The following SMG1 variants were observed in gnomAD, a reference collection of about 807,000 sequenced individuals.
The protein encoded by SMG1 is serine/threonine-protein kinase SMG1.
In SMG1, 22 loss-of-function variants were observed where a neutral mutation model predicts 419.9. That is an observed-to-expected ratio of 0.05 (90% CI 0.04 to 0.07). The LOEUF (loss-of-function observed/expected upper bound fraction) is 0.07. Ranked by LOEUF, SMG1 falls within the 10% of genes least tolerant of loss-of-function variation. The pLI is 1.00. For synonymous variants in SMG1, 1,538 were observed against 1,553.5 expected (o/e 0.99, Z 0.23); for missense variants, 3,185 against 4,342.0 (o/e 0.73, Z 7.49).
chr16:18,868,820 G>C (rs2035656481), intron 20 of SMG1, 101 bp from the exon 21 acceptor site: 1 of 613,316 alleles, frequency 1.6e-6, no homozygotes, highest in South Asian at 2.1e-5. Flanking sequence ...AGTATCCTCT[G>C]TCTACCCATC....
Position 18,858,216 on chromosome 16 carries a change from T to C in SMG1, c.4188A>G (p.Ala1396=). Residue 1396 remains alanine (A), a synonymous_variant, in exon 29 of 63, where the codon GCA becomes GCG. Transcript: ENST00000446231. The part of the protein sequence containing the change: ...KQHDVRPWMQ[A]LRYTMYQNQL... The stretch of plus-strand genomic sequence containing the variant: ...GATTCTGGTACATAGTATACCTTAA[T>C]GCCTGCATCCATGGCCTCACGTCAT... 1 of 1,603,810 alleles carries C rather than the reference T, an allele frequency of 6.2e-7. No individual in the cohort carries two copies. Among genetic ancestry groups the C allele is most frequent in the South Asian group, 1.1e-5 (1 of 89,240 alleles).
rs779583087 is a variant in SMG1 at position 18,896,874 on chromosome 16, G to C, written c.175C>G (p.Gln59Glu). Residue 59 changes from glutamine (Q) to glutamate (E), a missense_variant, in exon 2 of 63, where the codon CAA becomes GAA. This residue lies in a region of SMG1 where 88 missense variants were observed against 85.9 expected (regional missense o/e 1.02). Transcript: ENST00000446231. ...DRGGSSSYGLQPSNSAVVSRQ... is the reference protein window; with the variant it reads ...DRGGSSSYGLEPSNSAVVSRQ... ...GACACCACAGCTGAATTTGAAGGTT[G>C]CAGTCCATAAGAGGAAGAACCACCT... is the stretch of plus-strand genomic sequence containing the variant. 1 of 1,608,564 alleles carries C rather than the reference G, an allele frequency of 6.2e-7. No individual in the cohort carries two copies.
intron 51 of SMG1, among the ~76,000 whole-genome samples, chr16:18,831,746 C>A (rs1317909151): frequency 1.1e-5 from 1 of 93,072 alleles, no homozygotes; most frequent in Non-Finnish European, 2.1e-5. Flanking sequence ...CACAGCAAGA[C>A]TCCATCTCAA....
At chr16:18,918,687 T>G (rs1464017857) in intron 1 of SMG1, among the ~76,000 whole-genome samples, 1 of 135,552 alleles carries the variant, frequency 7.4e-6, no homozygotes, top group Non-Finnish European at 1.7e-5. Flanking sequence ...TAGCTGGGAT[T>G]ACAGGCACCC....
At position 18,849,536 on chromosome 16, in the gene SMG1, C is replaced by G. The variant is rs1239966873; in HGVS notation, c.5462-158G>C. ...CCCTGTGATAATAAAGAACCATACA[C>G]AATAGTTCTTGATTCGCAAGTCTGG... On this transcript the variant is annotated intron_variant, in intron 35 of 62. Coordinates refer to ENST00000446231, the MANE Select transcript of SMG1 (RefSeq NM_015092.5). Among the ~76,000 whole-genome samples, 5 of 152,274 alleles carry G rather than the reference C, an allele frequency of 3.3e-5. No individual in the cohort carries two copies. The South Asian group carries it at 1.0e-3, about 32-fold the overall frequency.
At chr16:18,844,606 A>G (rs2034150732) in intron 39 of SMG1, among the ~76,000 whole-genome samples, 1 of 137,962 alleles carries the variant, frequency 7.2e-6, no homozygotes, top group Admixed American at 7.3e-5. Flanking sequence ...TTTGGCAAGA[A>G]CACATAATAA....
chr16:18,856,773 G>A (rs1468759084), intron 29 of SMG1: 1 of 151,504 alleles, frequency 6.6e-6, no homozygotes, highest in Non-Finnish European at 1.5e-5. Context: ...GTAGAGCTCA[G>A]TACCTAGTAC....
intron 60 of SMG1, among the ~76,000 whole-genome samples, chr16:18,814,310 G>A (rs1288576328): frequency 6.6e-6 from 1 of 151,042 alleles, no homozygotes; most frequent in African/African-American, 2.4e-5. Context: ...TTTGTATTAA[G>A]TATTTTCCTA....
rs2035756239 is a variant in SMG1 at position 18,870,467 on chromosome 16, A to G, written c.2492+143T>C. On this transcript the variant is annotated intron_variant, in intron 18 of 62. Transcript: ENST00000446231. The stretch of plus-strand genomic sequence containing the variant: ...CAGACCTGCAAAATTCGATTATTTG[A>G]CATCACTTCAATCACTGACAAACAG... 33 of 636,972 alleles carry G rather than the reference A, an allele frequency of 5.2e-5. 1 individual carries two copies. The South Asian group carries it at 7.2e-4, about 14-fold the overall frequency. The allele number at this position is 636,972 out of a possible 1,614,324, so 39.5% of individuals were successfully genotyped here.
At chr16:18,835,293 G>T in intron 48 of SMG1, 129 bp from the exon 49 acceptor site, 2 of 1,028,018 alleles carry the variant, frequency 1.9e-6, no homozygotes, top group South Asian at 1.7e-5. Flanking sequence ...AGATAAAAAT[G>T]TCTCAAGAGC....
At chr16:18,862,218 A>C (rs528063170) in intron 25 of SMG1, among the ~76,000 whole-genome samples, 48 of 152,110 alleles carry the variant, frequency 3.2e-4, no homozygotes, top group Non-Finnish European at 4.6e-4. Flanking sequence ...GACTACTCCC[A>C]TCTGGATGTC....
intron 11 of SMG1, 49 bp from the exon 12 acceptor site, chr16:18,877,281 A>T: frequency 7.4e-7 from 1 of 1,359,496 alleles, no homozygotes; most frequent in East Asian, 2.5e-5. Flanking sequence ...TTACAAAAAG[A>T]CATGGAGAAA....
intron 59 of SMG1, 76 bp downstream of exon 59, chr16:18,815,364 A>T (rs2031908968): frequency 1.3e-6 from 2 of 1,570,442 alleles, no homozygotes; most frequent in African/African-American, 2.7e-5. Flanking sequence ...CTGAAAAATT[A>T]AATCAAGAGA....
rs551622566 is a variant in SMG1 at position 18,808,013 on chromosome 16, G to T, written c.*1556C>A. 1 of 152,148 alleles carries T rather than the reference G, an allele frequency of 6.6e-6. No individual in the cohort carries two copies. The highest frequency in any genetic ancestry group is 1.9e-4 in the East Asian group (1 of 5,182). 9.4% of individuals were successfully genotyped at this position (152,148 alleles called of 1,614,324 possible). ...CCTAACCTCATGATCCGCCCGCCTC[G>T]GCCTCCCAAAGTGCTGGGATTACAG... is the stretch of plus-strand genomic sequence containing the variant. On this transcript the variant is annotated 3_prime_UTR_variant, in exon 63 of 63. Transcript: ENST00000446231.
intron 35 of SMG1, 61 bp downstream of exon 35, chr16:18,849,888 T>A: frequency 6.7e-7 from 1 of 1,500,978 alleles, no homozygotes; most frequent in Non-Finnish European, 9.0e-7. Flanking sequence ...AACCACTTTT[T>A]GAAATCTTAT....
chr16:18,828,891 G>C (rs2032951822), intron 54 of SMG1, among the ~76,000 whole-genome samples: 1 of 152,112 alleles, frequency 6.6e-6, no homozygotes, highest in Non-Finnish European at 1.5e-5. Flanking sequence ...CCAGCTACTA[G>C]GGAGGCTGAG....
intron 29 of SMG1, among the ~76,000 whole-genome samples, chr16:18,855,776 A>T (rs1383045178): frequency 6.6e-6 from 1 of 152,070 alleles, no homozygotes; most frequent in Non-Finnish European, 1.5e-5. Flanking sequence ...CCCCATTCTT[A>T]TACTCTTCTA....
At chr16:18,815,394 G>A (rs753120192) in intron 59 of SMG1, 46 bp downstream of exon 59, 7 of 1,598,650 alleles carry the variant, frequency 4.4e-6, no homozygotes, top group Admixed American at 1.7e-5. Flanking sequence ...TATACCAGTA[G>A]TTTTGTACTT....
In SMG1 at chr16:18,836,540, G is replaced by A. The variant is rs770361619; in HGVS notation, c.7605-8C>T. The A allele has an allele frequency of 1.2e-6, 2 of 1,610,110 alleles. No individual in the cohort carries two copies. The highest frequency in any genetic ancestry group is 1.7e-6 in the Non-Finnish European group (2 of 1,178,778). The stretch of plus-strand genomic sequence containing the variant: ...TGGGTGTGCTCAGAATACCTAATCA[G>A]GGGGACACAAACAAAATCAAAAGAT... On this transcript the variant is annotated splice_region_variant and splice_polypyrimidine_tract_variant and intron_variant, in intron 46 of 62. Transcript: ENST00000446231.
Sources: allele counts gnomAD v4.1 joint callset (sites outside exome capture counted in the v4.1 genomes callset), GRCh38; gene constraint gnomAD v4.1.1; regional missense constraint gnomAD v4.1.1; transcripts MANE v1.5; gene names NCBI Gene and HGNC (gene_info 2026-07-23, HGNC 2026-07-21).